Variants in CSMD1 observed in about 807,000 individuals in gnomAD.
CSMD1 encodes the protein CUB and Sushi multiple domains 1, also known as CUB and sushi domain-containing protein 1.
CSMD1 carries 213 observed loss-of-function variants against 417.5 expected under a neutral mutation model. That is an observed-to-expected ratio of 0.51 (90% CI 0.46 to 0.57). CSMD1 has a LOEUF of 0.57. Ranked by LOEUF, CSMD1 falls within the 20% of genes least tolerant of loss-of-function variation. The probability of loss-of-function intolerance (pLI) is 0.00; values close to 1 mark genes in which losing one functional copy is unlikely to be tolerated. For missense variants in CSMD1, 6,923 were observed against 4,529.7 expected, an observed-to-expected ratio of 1.53 and a Z score of -15.17; for synonymous variants, 2,862 against 1,736.8, an observed-to-expected ratio of 1.65 and a Z score of -16.11.
intron 3 of CSMD1, among the ~76,000 whole-genome samples, chr8:4,218,799 C>T (rs980212901): frequency 3.3e-5 from 5 of 152,184 alleles, no homozygotes; most frequent in Non-Finnish European, 5.9e-5. Context: ...GACTTAACTT[C>T]TGTTTTCTCA....
chr8:3,910,263 C>G lies in CSMD1; in HGVS notation c.818+87640G>C, dbSNP rs572161790. 3.3e-5 allele frequency among the ~76,000 whole-genome samples: 5 copies of G among 152,198 alleles called. No homozygotes were observed. In the South Asian group the frequency reaches 1.0e-3, roughly 32 times the overall value. Reference sequence around the variant, plus strand: ...GGAGGAAAATATGTCAGAGGCGTTTCCCAGCTGCTCAGCTCTCTCACCACG... The same window carrying G: ...GGAGGAAAATATGTCAGAGGCGTTTGCCAGCTGCTCAGCTCTCTCACCACG... On this transcript the variant is annotated intron_variant, in intron 5 of 69. Transcript: ENST00000635120.
At chr8:4,016,565 C>A (rs566913955) in intron 4 of CSMD1, among the ~76,000 whole-genome samples, 1 of 152,238 alleles carries the variant, frequency 6.6e-6, no homozygotes, top group African/African-American at 2.4e-5. Flanking sequence ...GATGAAGATT[C>A]ACTTAGTCCT....
Position 4,100,420 on chromosome 8 carries a change from C to T in CSMD1, c.416-68321G>A, listed in dbSNP as rs1342572228. Among the ~76,000 whole-genome samples, 3 of 152,152 alleles carry T rather than the reference C, an allele frequency of 2.0e-5. No homozygotes were observed. The East Asian group carries it at 5.8e-4, about 29-fold the overall frequency. On this transcript the variant is annotated intron_variant, in intron 3 of 69. Coordinates refer to ENST00000635120, the MANE Select transcript of CSMD1 (RefSeq NM_033225.6). The stretch of plus-strand genomic sequence containing the variant: ...TCTAGTCAGCCAACTACTCTGTAGC[C>T]CGTTCAAAGCAGAATCAAATTCACT...
chr8:4,761,575 A>T (rs1178054538), intron 1 of CSMD1, among the ~76,000 whole-genome samples: 1 of 152,100 alleles, frequency 6.6e-6, no homozygotes, highest in African/African-American at 2.4e-5. Flanking sequence ...TTATGTTAAC[A>T]TAGCTGCGAT....
intron 48 of CSMD1, among the ~76,000 whole-genome samples, chr8:3,088,029 C>A (rs1306106194): frequency 6.6e-6 from 1 of 152,168 alleles, no homozygotes; most frequent in Non-Finnish European, 1.5e-5. Context: ...TATTAACCTT[C>A]TTTTTTAGCA....
At chr8:4,676,351 A>T (rs571382065) in intron 1 of CSMD1, among the ~76,000 whole-genome samples, 1 of 152,176 alleles carries the variant, frequency 6.6e-6, no homozygotes, top group Non-Finnish European at 1.5e-5. Flanking sequence ...TCTGCCCTGA[A>T]CTGCACCACT....
chr8:4,918,195 A>G (rs1264685804), intron 1 of CSMD1, among the ~76,000 whole-genome samples: 3 of 152,226 alleles, frequency 2.0e-5, no homozygotes, highest in African/African-American at 7.2e-5. Context: ...TGAAATCATT[A>G]CGAAGGGGAT....
intron 19 of CSMD1, among the ~76,000 whole-genome samples, chr8:3,367,528 G>C (rs1423265393): frequency 6.6e-6 from 1 of 152,036 alleles, no homozygotes; most frequent in Non-Finnish European, 1.5e-5. Flanking sequence ...TCTGGACTTA[G>C]ACACATCAAG....
chr8:4,170,098 T>A (rs1170243206), intron 3 of CSMD1, among the ~76,000 whole-genome samples: 3 of 151,832 alleles, frequency 2.0e-5, no homozygotes, highest in African/African-American at 7.3e-5. Context: ...TAAAAATATG[T>A]ATCCCTAACC....
In CSMD1 at chr8:3,494,881, A is replaced by G. The variant is rs373151517; in HGVS notation, c.1345-1155T>C. ...ATCAAATGCCTGTTTGTTAAGCTTG[A>G]AAGAAAAGAGTAAGTGGTAGCATAG... On this transcript the variant is annotated intron_variant, in intron 10 of 69. Transcript: ENST00000635120. 1.3e-3 allele frequency among the ~76,000 whole-genome samples: 196 copies of G among 152,290 alleles called. 6 individuals are homozygous for G. The South Asian group carries it at 0.039, about 30-fold the overall frequency.
intron 49 of CSMD1, among the ~76,000 whole-genome samples, chr8:3,076,429 T>A (rs1245077382): frequency 4.0e-5 from 3 of 75,228 alleles, no homozygotes; most frequent in Non-Finnish European, 8.4e-5. Flanking sequence ...TCTAAGGTAC[T>A]GGCAGTTAGG....
chr8:4,815,340 T>A (rs1799142837), intron 1 of CSMD1, among the ~76,000 whole-genome samples: 1 of 152,118 alleles, frequency 6.6e-6, no homozygotes, highest in Non-Finnish European at 1.5e-5. Context: ...GACATCACAG[T>A]CCCACTGTGG....
chr8:4,400,816 GATT>G (rs1804596024), intron 3 of CSMD1, among the ~76,000 whole-genome samples: 1 of 150,222 alleles, frequency 6.7e-6, no homozygotes, highest in Non-Finnish European at 1.5e-5. Flanking sequence ...GCTTTTAAAG[GATT>G]ATTAGGGCAT....
intron 15 of CSMD1, among the ~76,000 whole-genome samples, chr8:3,404,870 A>G (rs1812252099): frequency 6.6e-6 from 1 of 152,198 alleles, no homozygotes; most frequent in Non-Finnish European, 1.5e-5. Flanking sequence ...TGATTTATCT[A>G]ATCAGTCCTC....
intron 2 of CSMD1, among the ~76,000 whole-genome samples, chr8:4,453,162 C>A (rs569921127): frequency 7.5e-4 from 113 of 151,664 alleles, no homozygotes; most frequent in Non-Finnish European, 1.4e-3. Context: ...ATGGCACAAG[C>A]CCGTTCCCCC....
intron 8 of CSMD1, among the ~76,000 whole-genome samples, chr8:3,593,192 C>T (rs906427190): frequency 6.6e-6 from 1 of 152,186 alleles, no homozygotes; most frequent in Non-Finnish European, 1.5e-5. Flanking sequence ...CATGTTTCCC[C>T]ACCATACTTG....
In CSMD1 at chr8:3,865,143, T is replaced by G. The variant is rs538554854; in HGVS notation, c.819-111101A>C. ...TTTCTCATCATTTGTTCTGTGTGTG[T>G]TCCAGCTCAGGCTCCGATTCCTTGG... On this transcript the variant is annotated intron_variant, in intron 5 of 69. Coordinates refer to ENST00000635120, the MANE Select transcript of CSMD1 (RefSeq NM_033225.6). Among the ~76,000 whole-genome samples the G allele has an allele frequency of 6.6e-5, 10 of 152,322 alleles. No homozygotes were observed. In the East Asian group the frequency reaches 1.9e-3, roughly 29 times the overall value.
chr8:3,618,303 T>A (rs1301527819), intron 7 of CSMD1, among the ~76,000 whole-genome samples: 1 of 152,154 alleles, frequency 6.6e-6, no homozygotes, highest in Non-Finnish European at 1.5e-5. Context: ...CCACACCCAG[T>A]CAAAATTTAT....
intron 2 of CSMD1, among the ~76,000 whole-genome samples, chr8:4,438,417 A>T (rs1053904434): frequency 6.6e-6 from 1 of 152,174 alleles, no homozygotes; most frequent in South Asian, 2.1e-4. Context: ...GTGGATACTT[A>T]AACTCTACCC....
Sources: allele counts gnomAD v4.1 joint callset (sites outside exome capture counted in the v4.1 genomes callset), GRCh38; gene constraint gnomAD v4.1.1; transcripts MANE v1.5; gene names NCBI Gene and HGNC (gene_info 2026-07-23, HGNC 2026-07-21).